CBLB: variants seen among roughly 807,000 people sequenced by gnomAD.
CBLB encodes E3 ubiquitin-protein ligase CBL-B.
CBLB carries 31 observed loss-of-function variants against 104.9 expected under a neutral mutation model. The ratio of observed to expected loss-of-function variants is 0.30; its 90% confidence interval spans 0.22 to 0.40. CBLB has a LOEUF of 0.40. Ranked by LOEUF, CBLB falls within the 10% of genes least tolerant of loss-of-function variation. The pLI, the probability that CBLB is intolerant of heterozygous loss-of-function variation, is 1.00. For synonymous variants in CBLB, 440 were observed against 422.6 expected (o/e 1.04, Z -0.51); for missense variants, 1,062 against 1,214.6 (o/e 0.87, Z 1.87).
rs192213911 is a variant in CBLB, at chr3:105,780,732, G to A, written c.420-4190C>T. 8.1e-3 allele frequency among the ~76,000 whole-genome samples: 1,031 copies of A among 127,478 alleles called. 14 individuals carry two copies. Among genetic ancestry groups the A allele is most frequent in the African/African-American group, 0.027 (914 of 33,464 alleles). The allele number at this position is 127,478 out of a possible 152,430, so 83.6% of individuals were successfully genotyped here. ...GGCTAGAGTGCGGTGGCGCGATCTC[G>A]GCTCACTGCCAGCTCCACCTCCCAG... On this transcript the variant is annotated intron_variant, in intron 3 of 18. Transcript: ENST00000394030.
chr3:105,657,002 T>C lies in CBLB; in HGVS notation c.*1968A>G. 4.5e-6 allele frequency: 1 copy of C among 224,016 alleles called. No individual in the cohort carries two copies. The highest frequency in any genetic ancestry group is 8.9e-6 in the Non-Finnish European group (1 of 112,184). 13.9% of individuals were successfully genotyped at this position (224,016 alleles called of 1,614,324 possible). A position where few individuals can be genotyped will look rare whatever the true frequency, so the allele number is the denominator to read the frequency against. On this transcript the variant is annotated 3_prime_UTR_variant, in exon 19 of 19. Transcript: ENST00000394030. ...GAAACTTCACTCATGTACCTACTCA[T>C]GGGAAGAACATCTAAGGCAAATGAA...
At chr3:105,855,903 G>T (rs2091541750) in intron 2 of CBLB, among the ~76,000 whole-genome samples, 1 of 151,980 alleles carries the variant, frequency 6.6e-6, no homozygotes, top group Non-Finnish European at 1.5e-5. Flanking sequence ...TAAGTTTCAG[G>T]GGACATAAAA....
In CBLB at chr3:105,691,024, TA is replaced by T. The variant is rs1483064035; in HGVS notation, c.2054+2469del. On this transcript the variant is annotated intron_variant, in intron 13 of 18. Coordinates refer to ENST00000394030, the MANE Select transcript of CBLB (RefSeq NM_170662.5). ...TCTCTACCATATAATCTAAATAAGG[TA>T]AAAACAAGTTTAAATAAAAAATGTC... Among the ~76,000 whole-genome samples the T allele has an allele frequency of 2.0e-5, 3 of 152,230 alleles. No homozygotes were observed. The East Asian group carries it at 5.8e-4, about 29-fold the overall frequency.
intron 17 of CBLB, chr3:105,673,533 T>G (rs2065289690): frequency 6.6e-6 from 1 of 152,178 alleles, no homozygotes; most frequent in African/African-American, 2.4e-5. Flanking sequence ...ATCCCCCAAA[T>G]TTTAATAGAG....
chr3:105,719,198 T>A (rs1487946469), intron 10 of CBLB, among the ~76,000 whole-genome samples: 3 of 152,240 alleles, frequency 2.0e-5, no homozygotes, highest in Non-Finnish European at 4.4e-5. Context: ...GAACAAAGAA[T>A]ATTTTTAATC....
At chr3:105,688,029 A>G (rs1444139572) in intron 13 of CBLB, among the ~76,000 whole-genome samples, 1 of 152,092 alleles carries the variant, frequency 6.6e-6, no homozygotes, top group Non-Finnish European at 1.5e-5. Flanking sequence ...TAAAATAATT[A>G]GATTTATATT....
chr3:105,709,751 A>AT (rs1576513975), intron 10 of CBLB, among the ~76,000 whole-genome samples: 1 of 151,876 alleles, frequency 6.6e-6, no homozygotes, highest in East Asian at 1.9e-4. Flanking sequence ...GAATCATACA[A>AT]TTTTTTTGAG....
At chr3:105,828,466 A>G (rs2086931439) in intron 3 of CBLB, among the ~76,000 whole-genome samples, 1 of 152,222 alleles carries the variant, frequency 6.6e-6, no homozygotes, top group Non-Finnish European at 1.5e-5. Context: ...CTAAGTTAGA[A>G]TAAGATTTTT....
chr3:105,762,978 C>A (rs1279125745), intron 4 of CBLB, among the ~76,000 whole-genome samples: 1 of 152,210 alleles, frequency 6.6e-6, no homozygotes. Flanking sequence ...GCATGAGAGC[C>A]CACCTCTTAC....
chr3:105,678,893 T>C (rs1321292846), intron 16 of CBLB, among the ~76,000 whole-genome samples: 1 of 152,186 alleles, frequency 6.6e-6, no homozygotes, highest in African/African-American at 2.4e-5. Flanking sequence ...TTTATAATAT[T>C]AGGACTCAGA....
intron 3 of CBLB, among the ~76,000 whole-genome samples, chr3:105,826,854 C>T (rs2086654747): frequency 6.6e-6 from 1 of 152,156 alleles, no homozygotes; most frequent in Non-Finnish European, 1.5e-5. Context: ...AATGTTCCCT[C>T]AACTTTCTCA....
At chr3:105,773,564 A>G (rs112649139) in intron 4 of CBLB, among the ~76,000 whole-genome samples, 131 of 152,324 alleles carry the variant, frequency 8.6e-4, no homozygotes, top group African/African-American at 3.0e-3. Flanking sequence ...GCTAAGAAAA[A>G]TGACTGTCAC....
chr3:105,662,905 T>C (rs1218207827), intron 18 of CBLB, among the ~76,000 whole-genome samples: 2 of 152,152 alleles, frequency 1.3e-5, no homozygotes, highest in African/African-American at 4.8e-5. Flanking sequence ...AATACTACAG[T>C]TACTATAATA....
intron 10 of CBLB, among the ~76,000 whole-genome samples, chr3:105,714,968 A>G (rs1444015053): frequency 6.6e-6 from 1 of 152,220 alleles, no homozygotes. Context: ...GTTTAAGACA[A>G]TAAGAACTAA....
intron 3 of CBLB, among the ~76,000 whole-genome samples, chr3:105,821,939 T>A (rs1156924358): frequency 6.6e-6 from 1 of 152,150 alleles, no homozygotes; most frequent in African/African-American, 2.4e-5. Context: ...TGCCTCAATG[T>A]TATGATACTA....
chr3:105,773,494 T>C (rs1421378692), intron 4 of CBLB, among the ~76,000 whole-genome samples: 1 of 152,204 alleles, frequency 6.6e-6, no homozygotes, highest in East Asian at 1.9e-4. Flanking sequence ...ACCACTTCAA[T>C]CAATCACTTT....
intron 3 of CBLB, among the ~76,000 whole-genome samples, chr3:105,831,565 C>A (rs1180361327): frequency 6.6e-6 from 1 of 152,190 alleles, no homozygotes; most frequent in Non-Finnish European, 1.5e-5. Context: ...CTTGATTATT[C>A]AGAAAATGCT....
intron 6 of CBLB, among the ~76,000 whole-genome samples, chr3:105,743,752 A>G (rs561324992): frequency 2.0e-4 from 30 of 151,710 alleles, no homozygotes; most frequent in African/African-American, 7.2e-4. Flanking sequence ...AAAAATGTTA[A>G]ACACAGATAT....
At position 105,834,427 on chromosome 3, in the gene CBLB, C is replaced by T. The variant is rs186627173; in HGVS notation, c.419+18987G>A. Among the ~76,000 whole-genome samples the T allele has an allele frequency of 9.8e-3, 1,498 of 152,146 alleles. 14 individuals carry two copies. The highest frequency in any genetic ancestry group is 0.017 in the Non-Finnish European group (1,142 of 67,964). On this transcript the variant is annotated intron_variant, in intron 3 of 18. Transcript: ENST00000394030. ...ATCCCAGCACTTTGGGAGGCCGAGGCGGGTGGATCACGAGGTCAGGAGATG... is the reference window on the plus strand; with the variant it reads ...ATCCCAGCACTTTGGGAGGCCGAGGTGGGTGGATCACGAGGTCAGGAGATG...
Sources: gnomAD v4.1 joint callset for allele counts (sites outside exome capture counted in the v4.1 genomes callset) on GRCh38, gnomAD v4.1.1 for gene constraint, MANE v1.5 for transcripts, NCBI Gene and HGNC (gene_info 2026-07-23, HGNC 2026-07-21) for gene names.